Variants in SPAG9 observed in about 807,000 individuals in gnomAD.
The protein encoded by SPAG9 is sperm associated antigen 9.
SPAG9 carries 35 observed loss-of-function variants against 166.5 expected under a neutral mutation model. That is an observed-to-expected ratio of 0.21 (90% confidence interval 0.16 to 0.28). SPAG9 has a LOEUF of 0.28. Ranked by LOEUF, SPAG9 falls within the 10% of genes least tolerant of loss-of-function variation. The pLI, the probability that SPAG9 is intolerant of heterozygous loss-of-function variation, is 1.00. For synonymous variants in SPAG9, 534 were observed against 565.5 expected, an observed-to-expected ratio of 0.94 and a Z score of 0.79; for missense variants, 1,235 against 1,603.3, an observed-to-expected ratio of 0.77 and a Z score of 3.92.
At chr17:51,005,287 A>T in intron 11 of SPAG9, 24 bp from the exon 12 acceptor site, 1 of 1,610,866 alleles carries the variant, frequency 6.2e-7, no homozygotes, top group Non-Finnish European at 8.5e-7. Context: ...AACAAAACAA[A>T]ACATGTTATT....
intron 1 of SPAG9, among the ~76,000 whole-genome samples, chr17:51,085,948 T>C (rs556077028): frequency 6.7e-6 from 1 of 149,930 alleles, no homozygotes; most frequent in Non-Finnish European, 1.5e-5. Context: ...TTTTTTATCC[T>C]CTTGGAAATC....
chr17:51,110,985 G>A (rs973041549), intron 1 of SPAG9, among the ~76,000 whole-genome samples: 9 of 151,908 alleles, frequency 5.9e-5, no homozygotes, highest in Non-Finnish European at 1.2e-4. Context: ...GTGTGGTGGC[G>A]GGCGCCTGTA....
chr17:50,995,612 G>T lies in SPAG9; in HGVS notation c.1969-79C>A, dbSNP rs116735691. The T allele has an allele frequency of 1.1e-4, 92 of 860,730 alleles. No individual in the cohort carries two copies. In the African/African-American group the frequency reaches 1.2e-3, roughly 11 times the overall value. The allele number at this position is 860,730 out of a possible 1,614,324, so 53.3% of individuals were successfully genotyped here. On this transcript the variant is annotated intron_variant, in intron 16 of 29. Transcript: ENST00000262013. The stretch of plus-strand genomic sequence containing the variant: ...AGTGAACTTATTACAGATCCACTGA[G>T]ACATGAGCAAGCACTGCTGTTATTT...
intron 13 of SPAG9, 59 bp downstream of exon 13, chr17:51,001,656 G>A: frequency 6.5e-7 from 1 of 1,534,340 alleles, no homozygotes; most frequent in South Asian, 1.2e-5. Flanking sequence ...TCCACATGAA[G>A]GAATATTCAA....
chr17:51,095,851 T>C (rs973567468), intron 1 of SPAG9, among the ~76,000 whole-genome samples: 8 of 145,132 alleles, frequency 5.5e-5, no homozygotes, highest in African/African-American at 2.0e-4. Context: ...TAGTGATATA[T>C]ATAGTGATAT....
At chr17:50,994,127 A>G (rs1209277649) in intron 18 of SPAG9, among the ~76,000 whole-genome samples, 192 bp from the exon 19 acceptor site, 2 of 152,200 alleles carry the variant, frequency 1.3e-5, no homozygotes, top group African/African-American at 2.4e-5. Context: ...TATCTCCCCG[A>G]ATTCCCACAT....
intron 2 of SPAG9, among the ~76,000 whole-genome samples, chr17:51,060,353 A>C (rs2047472000): frequency 6.6e-6 from 1 of 152,070 alleles, no homozygotes; most frequent in East Asian, 1.9e-4. Context: ...AAATACAAAA[A>C]TTAGCCAGGC....
chr17:50,999,824 C>T (rs2044852594), intron 13 of SPAG9, 107 bp from the exon 14 acceptor site: 3 of 839,776 alleles, frequency 3.6e-6, no homozygotes, highest in Non-Finnish European at 5.7e-6. Context: ...AGAGGGGAGT[C>T]AACAATTAAG....
intron 14 of SPAG9, 148 bp from the exon 15 acceptor site, chr17:50,998,765 G>C (rs1043834910): frequency 1.5e-6 from 1 of 646,994 alleles, no homozygotes; most frequent in Middle Eastern, 4.3e-4. Flanking sequence ...GTAGTCATAC[G>C]CTGTAGCCTT....
At chr17:50,988,799 C>T (rs1296066909) in intron 21 of SPAG9, among the ~76,000 whole-genome samples, 3 of 152,208 alleles carry the variant, frequency 2.0e-5, no homozygotes, top group Admixed American at 6.5e-5. Flanking sequence ...AAGCAATCCT[C>T]CTGCTCAGAC....
chr17:50,978,359 G>A (rs1447800747), intron 26 of SPAG9, among the ~76,000 whole-genome samples: 1 of 152,190 alleles, frequency 6.6e-6, no homozygotes, highest in Non-Finnish European at 1.5e-5. Flanking sequence ...AAGGTACATA[G>A]CTAGAAATAA....
chr17:51,077,033 T>TAGCTAGCTATCTAGCTATCTAGCTAG (rs1568065402), intron 2 of SPAG9, among the ~76,000 whole-genome samples: 2 of 94,488 alleles, frequency 2.1e-5, no homozygotes, highest in African/African-American at 7.7e-5. Flanking sequence ...TAGCTATCTA[T>TAGCTAGCTATCTAGCTATCTAGCTAG]CTAGCTATCT....
intron 1 of SPAG9, among the ~76,000 whole-genome samples, chr17:51,114,081 T>C (rs1288085689): frequency 2.6e-5 from 4 of 152,136 alleles, no homozygotes; most frequent in Admixed American, 2.6e-4. Context: ...ATCCCAGCAC[T>C]TTGGGAGGCC....
chr17:51,065,364 A>T (rs1378014288), intron 2 of SPAG9, among the ~76,000 whole-genome samples: 1 of 152,056 alleles, frequency 6.6e-6, no homozygotes, highest in Non-Finnish European at 1.5e-5. Context: ...GTCATTTGAA[A>T]CCTATCCCTT....
chr17:51,097,995 G>GTT (rs1350506733), intron 1 of SPAG9, among the ~76,000 whole-genome samples: 46 of 151,772 alleles, frequency 3.0e-4, no homozygotes, highest in Admixed American at 3.0e-3. Flanking sequence ...GCTAATTTTT[G>GTT]TATTTTTCTG....
chr17:51,095,649 T>C (rs2144708567), intron 1 of SPAG9, among the ~76,000 whole-genome samples: 1 of 147,348 alleles, frequency 6.8e-6, no homozygotes, highest in South Asian at 2.1e-4. Context: ...AGAATCCATC[T>C]CCAAAAAAAG....
At chr17:50,993,571 T>A (rs976308456) in intron 19 of SPAG9, among the ~76,000 whole-genome samples, 193 bp downstream of exon 19, 1 of 152,262 alleles carries the variant, frequency 6.6e-6, no homozygotes, top group Non-Finnish European at 1.5e-5. Flanking sequence ...TGTTTTATTT[T>A]CTTCACAGTA....
chr17:51,006,253 T>G lies in SPAG9; in HGVS notation c.1272-16A>C. On this transcript the variant is annotated splice_polypyrimidine_tract_variant and intron_variant, in intron 10 of 29. Transcript: ENST00000262013. ...CAAAGCATTTCTAAGAAACACATATTTCAAGTGCATCATTACAAATAAATA... is the reference window on the plus strand; with the variant it reads ...CAAAGCATTTCTAAGAAACACATATGTCAAGTGCATCATTACAAATAAATA... 6.2e-7 allele frequency: 1 copy of G among 1,610,324 alleles called. No homozygotes were observed. Among genetic ancestry groups the G allele is most frequent in the Non-Finnish European group, 8.5e-7 (1 of 1,177,246 alleles).
rs1032098254 is a variant in SPAG9 at position 50,996,761 on chromosome 17, T to C, written c.1839-67A>G. Reference sequence around the variant, plus strand: ...AATTACGTTTATCCCCAGTTTTATCTCTCCTCTGTCACTAAAACAGCAAAA... The same window carrying C: ...AATTACGTTTATCCCCAGTTTTATCCCTCCTCTGTCACTAAAACAGCAAAA... On this transcript the variant is annotated intron_variant, in intron 15 of 29. Coordinates refer to ENST00000262013, the MANE Select transcript of SPAG9 (RefSeq NM_001130528.3). The C allele has an allele frequency of 3.3e-6, 5 of 1,515,746 alleles. No homozygotes were observed. The African/African-American group carries it at 6.9e-5, about 21-fold the overall frequency. The allele number at this position is 1,515,746 out of a possible 1,614,324, so 93.9% of individuals were successfully genotyped here.
Sources: gnomAD v4.1 joint callset for allele counts (sites outside exome capture counted in the v4.1 genomes callset) on GRCh38, gnomAD v4.1.1 for gene constraint, MANE v1.5 for transcripts, NCBI Gene and HGNC (gene_info 2026-07-23, HGNC 2026-07-21) for gene names.